The following ABCC2 variants were observed in gnomAD, a reference collection of about 807,000 sequenced individuals.
The protein encoded by ABCC2 is ATP binding cassette subfamily C member 2.
ABCC2 carries 157 observed loss-of-function variants against 173.4 expected under a neutral mutation model. That is an observed-to-expected ratio of 0.91 (90% CI 0.80 to 1.03). The LOEUF (loss-of-function observed/expected upper bound fraction) is 1.03, where lower values mean the gene tolerates loss of function less well. Among genes scored for constraint, ABCC2 ranks in the 50% least tolerant of loss-of-function variants. The pLI, the probability that ABCC2 is intolerant of heterozygous loss-of-function variation, is 0.00. For missense variants in ABCC2, 1,822 were observed against 1,852.3 expected (o/e 0.98, Z 0.30); for synonymous variants, 657 against 693.5 (o/e 0.95, Z 0.83).
intron 2 of ABCC2, among the ~76,000 whole-genome samples, chr10:99,785,708 G>A (rs555337698): frequency 4.6e-5 from 7 of 152,124 alleles, no homozygotes; most frequent in South Asian, 4.2e-4. Flanking sequence ...TAGTAGGGCG[G>A]GATTTCGCCA....
At chr10:99,836,906 A>T (rs2133126177) in intron 25 of ABCC2, among the ~76,000 whole-genome samples, 1 of 152,332 alleles carries the variant, frequency 6.6e-6, no homozygotes, top group Admixed American at 6.5e-5. Context: ...AAAATTCTTG[A>T]GTGGCTTCCA....
intron 19 of ABCC2, among the ~76,000 whole-genome samples, chr10:99,821,655 C>T (rs536312115): frequency 2.9e-3 from 436 of 152,308 alleles, no homozygotes; most frequent in African/African-American, 9.5e-3. Flanking sequence ...GCACATGTTT[C>T]AGAGAGCACG....
rs778557834 is a variant in ABCC2, at chr10:99,807,387, C to T, written c.1534C>T (p.Leu512=). 2 of 1,614,026 alleles carry T rather than the reference C, an allele frequency of 1.2e-6. No individual in the cohort carries two copies. The highest frequency in any genetic ancestry group is 4.5e-5 in the East Asian group (2 of 44,878). Residue 512 remains leucine (L), a synonymous_variant, in exon 12 of 32, where the codon CTG becomes TTG. Coordinates refer to ENST00000647814, the MANE Select transcript of ABCC2 (RefSeq NM_000392.5). ...GTATTTTTTTTCAACTTATTAGATCCTGAAATATTTTGCCTGGGAACCTTC... is the reference window on the plus strand; with the variant it reads ...GTATTTTTTTTCAACTTATTAGATCTTGAAATATTTTGCCTGGGAACCTTC... ...MNEILSGIKI[L]KYFAWEPSFR...
Position 99,831,597 on chromosome 10 carries a change from T to A in ABCC2, c.2884-14T>A. On this transcript the variant is annotated splice_polypyrimidine_tract_variant and intron_variant, in intron 21 of 31. Coordinates refer to ENST00000647814, the MANE Select transcript of ABCC2 (RefSeq NM_000392.5). Reference sequence around the variant, plus strand: ...TTAGGGAGTTCTACTAATATTGAGGTGGGGACTTTGCAGGTGAAGTTCTCC... The same window carrying A: ...TTAGGGAGTTCTACTAATATTGAGGAGGGGACTTTGCAGGTGAAGTTCTCC... 1 of 1,611,410 alleles carries A rather than the reference T, an allele frequency of 6.2e-7. No homozygotes were observed. The highest frequency in any genetic ancestry group is 8.5e-7 in the Non-Finnish European group (1 of 1,177,622).
chr10:99,795,704 AAGAG>A (rs367702762), intron 6 of ABCC2, among the ~76,000 whole-genome samples: 16 of 149,340 alleles, frequency 1.1e-4, no homozygotes, highest in African/African-American at 3.7e-4. Flanking sequence ...CATCAAAAGA[AAGAG>A]AGAGAGAGAG....
intron 25 of ABCC2, among the ~76,000 whole-genome samples, chr10:99,841,307 C>G (rs948220651): frequency 1.1e-4 from 16 of 152,096 alleles, no homozygotes; most frequent in African/African-American, 3.9e-4. Context: ...AATTCCAGCA[C>G]TTTGGGAGAC....
intron 2 of ABCC2, among the ~76,000 whole-genome samples, chr10:99,791,243 AC>A (rs2037806937): frequency 6.6e-6 from 1 of 152,128 alleles, no homozygotes; most frequent in African/African-American, 2.4e-5. Flanking sequence ...TCCTGTCTCT[AC>A]TAAAAATACA....
intron 2 of ABCC2, among the ~76,000 whole-genome samples, chr10:99,786,604 C>T (rs904810901): frequency 2.0e-5 from 3 of 152,270 alleles, no homozygotes; most frequent in South Asian, 2.1e-4. Context: ...CTGTGGCTCA[C>T]GCCTGTAATC....
At chr10:99,840,350 C>T (rs2038915889) in intron 25 of ABCC2, among the ~76,000 whole-genome samples, 1 of 144,490 alleles carries the variant, frequency 6.9e-6, no homozygotes, top group Non-Finnish European at 1.5e-5. Flanking sequence ...TCCGCACTGC[C>T]CCGGGCCGCA....
intron 29 of ABCC2, 83 bp from the exon 30 acceptor site, chr10:99,846,878 A>G (rs1055064597): frequency 8.9e-6 from 14 of 1,565,480 alleles, no homozygotes; most frequent in Non-Finnish European, 8.8e-7. Context: ...GGCCAGTCCT[A>G]TCCACCATCT....
chr10:99,796,728 C>T (rs956862978), intron 6 of ABCC2, among the ~76,000 whole-genome samples: 1 of 151,998 alleles, frequency 6.6e-6, no homozygotes, highest in African/African-American at 2.4e-5. Context: ...CAAAAAACCA[C>T]ACACACCAAA....
intron 24 of ABCC2, among the ~76,000 whole-genome samples, chr10:99,835,641 C>G (rs1350788055): frequency 1.3e-5 from 2 of 152,084 alleles, no homozygotes; most frequent in African/African-American, 4.8e-5. Flanking sequence ...CCTTTTTACC[C>G]AAACCTAGGC....
In ABCC2 at chr10:99,831,869, G is replaced by A. The variant is rs1259907910; in HGVS notation, c.3103+39G>A. The A allele has an allele frequency of 3.1e-6, 5 of 1,611,882 alleles. No homozygotes were observed. The Admixed American group carries it at 8.3e-5, about 27-fold the overall frequency. On this transcript the variant is annotated intron_variant, in intron 22 of 31. Coordinates refer to ENST00000647814, the MANE Select transcript of ABCC2 (RefSeq NM_000392.5). ...CTATGACATCTTACAGAATCTGTCT[G>A]GACCCTGTACTTTTCCTGGACTCAG...
intron 2 of ABCC2, among the ~76,000 whole-genome samples, chr10:99,790,335 C>G (rs1355732207): frequency 6.6e-6 from 1 of 151,608 alleles, no homozygotes; most frequent in African/African-American, 2.4e-5. Flanking sequence ...TGTTTAAAAG[C>G]CTTTTGTGTT....
chr10:99,830,838 T>C lies in ABCC2; in HGVS notation c.2870T>C (p.Ile957Thr). 1.2e-6 allele frequency: 2 copies of C among 1,613,892 alleles called. No homozygotes were observed. The highest frequency in any genetic ancestry group is 1.7e-6 in the Non-Finnish European group (2 of 1,179,958). ...CAAAAACTAATTAAGAAGGAATTCA[T>C]AGAAACTGGAAAGGTGAACACCACA... ...KGQKLIKKEF[I>T]ETGKVKFSIY... Residue 957 changes from isoleucine (I) to threonine (T), a missense_variant, in exon 21 of 32, where the codon ATA becomes ACA. Transcript: ENST00000647814.
At chr10:99,827,153 C>T (rs1454343133) in intron 19 of ABCC2, among the ~76,000 whole-genome samples, 5 of 152,220 alleles carry the variant, frequency 3.3e-5, no homozygotes, top group Admixed American at 3.3e-4. Flanking sequence ...CTGGGGGTGG[C>T]CGATACTGAA....
intron 13 of ABCC2, among the ~76,000 whole-genome samples, chr10:99,809,683 G>A (rs886921564): frequency 1.3e-5 from 2 of 152,170 alleles, no homozygotes; most frequent in African/African-American, 4.8e-5. Context: ...TTTAAGCTTC[G>A]GCTATCTGGC....
chr10:99,839,031 G>A (rs1590188253), intron 25 of ABCC2, among the ~76,000 whole-genome samples: 1 of 124,714 alleles, frequency 8.0e-6, no homozygotes, highest in South Asian at 2.6e-4. Flanking sequence ...CAGTAGGGGC[G>A]GCCGGGCAGA....
chr10:99,845,707 G>C lies in ABCC2; in HGVS notation c.4071G>C (p.Gln1357His), dbSNP rs148393425. The stretch of plus-strand genomic sequence containing the variant: ...GAATCTTAGAGGCTGCCGGTGGTCA[G>C]ATTATCATTGATGGAGTAGATATTG... ...LFRILEAAGGQIIIDGVDIAS... is the reference protein window; with the variant it reads ...LFRILEAAGGHIIIDGVDIAS... The change falls in exon 29 of 32, where the codon CAG becomes CAC. Residue 1357 changes from glutamine (Q) to histidine (H), a missense_variant. Coordinates refer to ENST00000647814, the MANE Select transcript of ABCC2 (RefSeq NM_000392.5). 1.0e-4 allele frequency: 169 copies of C among 1,614,056 alleles called. No homozygotes were observed. The African/African-American group carries it at 2.1e-3, about 20-fold the overall frequency.
Sources: allele counts gnomAD v4.1 joint callset (sites outside exome capture counted in the v4.1 genomes callset), GRCh38; gene constraint gnomAD v4.1.1; transcripts MANE v1.5; gene names NCBI Gene and HGNC (gene_info 2026-07-23, HGNC 2026-07-21).